Variants in IQSEC1 observed in about 807,000 individuals in gnomAD.
IQSEC1 encodes the protein IQ motif and SEC7 domain-containing protein 1.
A neutral mutation model predicts 91.0 loss-of-function variants in IQSEC1; 31 were observed. That is an observed-to-expected ratio of 0.34 (90% CI 0.26 to 0.46). The LOEUF is 0.46. IQSEC1 is among the 20% of genes least tolerant of loss of function. The probability of loss-of-function intolerance (pLI) is 1.00; values close to 1 mark genes in which losing one functional copy is unlikely to be tolerated. For missense variants in IQSEC1, 1,388 were observed against 1,575.6 expected, an observed-to-expected ratio of 0.88 and a Z score of 2.02; for synonymous variants, 699 against 662.6, an observed-to-expected ratio of 1.05 and a Z score of -0.84.
intron 12 of IQSEC1, among the ~76,000 whole-genome samples, chr3:12,904,245 C>T (rs1426651511): frequency 6.6e-6 from 1 of 152,236 alleles, no homozygotes. Flanking sequence ...AGTCCAGTTC[C>T]TCTGCCTTGT....
intron 1 of IQSEC1, among the ~76,000 whole-genome samples, chr3:13,232,565 C>T (rs567310964): frequency 6.6e-6 from 1 of 152,164 alleles, no homozygotes; most frequent in African/African-American, 2.4e-5. Context: ...CAGCCTGGCC[C>T]GGCTGCAGGT....
chr3:13,014,520 C>T (rs139417834), intron 1 of IQSEC1, among the ~76,000 whole-genome samples: 1 of 152,286 alleles, frequency 6.6e-6, no homozygotes, highest in Non-Finnish European at 1.5e-5. Context: ...TTCCTTATCA[C>T]TGGGCCTCAC....
chr3:12,913,299 G>T, intron 9 of IQSEC1, 129 bp downstream of exon 9: 1 of 968,072 alleles, frequency 1.0e-6, no homozygotes, highest in Non-Finnish European at 1.5e-6. Flanking sequence ...CAGTGTGAAA[G>T]ACACCAGGCA....
chr3:13,090,884 C>A (rs1705847642), intron 2 of IQSEC1, among the ~76,000 whole-genome samples: 2 of 152,154 alleles, frequency 1.3e-5, no homozygotes, highest in African/African-American at 4.8e-5. Flanking sequence ...AGAATGGAAC[C>A]CGGGTATCCA....
intron 2 of IQSEC1, among the ~76,000 whole-genome samples, chr3:13,105,019 A>G (rs1706128406): frequency 6.6e-6 from 1 of 152,230 alleles, no homozygotes; most frequent in Admixed American, 6.5e-5. Context: ...TCACATTTAA[A>G]AAGTCATTTT....
intron 1 of IQSEC1, among the ~76,000 whole-genome samples, chr3:13,054,433 C>G (rs927292938): frequency 6.6e-6 from 1 of 152,238 alleles, no homozygotes; most frequent in South Asian, 2.1e-4. Flanking sequence ...GTCCCCCACA[C>G]GCCAGGCCCT....
rs564324672 is a variant in IQSEC1 at position 13,211,965 on chromosome 3, G to A, written c.273-47832C>T. On this transcript the variant is annotated intron_variant, in intron 1 of 15. Coordinates refer to the IQSEC1 transcript ENST00000648114. The surrounding 1 kb of genome is among the most constrained non-coding windows in gnomAD (Gnocchi z 5.3). Reference sequence around the variant, plus strand: ...TTTGAGCCCCTGTGGGCTCTGGCGCGTGTCGGTGCCCAGCCTCTGTGAGAG... The same window carrying A: ...TTTGAGCCCCTGTGGGCTCTGGCGCATGTCGGTGCCCAGCCTCTGTGAGAG... Among the ~76,000 whole-genome samples the A allele has an allele frequency of 4.1e-4, 62 of 152,224 alleles. No individual in the cohort carries two copies. Among genetic ancestry groups the A allele is most frequent in the African/African-American group, 1.4e-3 (57 of 41,520 alleles).
chr3:13,111,988 C>T (rs1389000295), intron 2 of IQSEC1, among the ~76,000 whole-genome samples: 2 of 152,186 alleles, frequency 1.3e-5, no homozygotes, highest in Admixed American at 6.5e-5. Context: ...GACAGCCCTC[C>T]CATCTCCTCT....
Position 12,899,717 on chromosome 3 carries a change from A to C in IQSEC1, c.*1266T>G. 1 of 984,618 alleles carries C rather than the reference A, an allele frequency of 1.0e-6. No individual in the cohort carries two copies. Among genetic ancestry groups the C allele is most frequent in the Non-Finnish European group, 1.2e-6 (1 of 829,444 alleles). The allele number at this position is 984,618 out of a possible 1,614,324, so 61.0% of individuals were successfully genotyped here. On this transcript the variant is annotated 3_prime_UTR_variant, in exon 14 of 14. Coordinates refer to ENST00000613206, the MANE Select transcript of IQSEC1 (RefSeq NM_001134382.3). The stretch of plus-strand genomic sequence containing the variant: ...CTACCACTCAGAAAACAAAACGGGA[A>C]ACACACACACCGCCCTGGGTTGCTA...
intron 1 of IQSEC1, among the ~76,000 whole-genome samples, chr3:13,261,985 C>A (rs1046354535): frequency 6.6e-6 from 1 of 152,256 alleles, no homozygotes; most frequent in Non-Finnish European, 1.5e-5. Context: ...GGAAAATAGG[C>A]AGCTCCTGTA....
rs1430439098 is a variant in IQSEC1 at position 12,935,670 on chromosome 3, G to A, written c.1346C>T (p.Ser449Leu). The change falls in exon 3 of 14, where the codon TCG becomes TTG. Residue 449 changes from serine (S) to leucine (L), a missense_variant. Ser to Leu is a moderately radical substitution (Grantham distance 145). Coordinates refer to ENST00000613206, the MANE Select transcript of IQSEC1 (RefSeq NM_001134382.3). The surrounding 1 kb of genome is among the most constrained non-coding windows in gnomAD (Gnocchi z 8.0). ...GTCATTGTCACCGTCTGAGTAGTCC[G>A]ACTCAGACTTGCTCTGCCGGTTGGC... ...GSANRQSKSE[S>L]DYSDGDNDSI... 8.1e-6 allele frequency: 13 copies of A among 1,613,878 alleles called. No homozygotes were observed. The highest frequency in any genetic ancestry group is 1.7e-4 in the Middle Eastern group (1 of 6,058).
intron 1 of IQSEC1, among the ~76,000 whole-genome samples, chr3:13,245,617 A>AG (rs1695095369): frequency 6.6e-6 from 1 of 152,042 alleles, no homozygotes; most frequent in African/African-American, 2.4e-5. Flanking sequence ...AATACAAAAA[A>AG]ATTCCTGGGT....
intron 5 of IQSEC1, among the ~76,000 whole-genome samples, chr3:12,921,414 G>A (rs56217149): frequency 0.13 from 20,181 of 152,236 alleles, 1,428 homozygotes; most frequent in East Asian, 0.16. Flanking sequence ...GCTGACCTGT[G>A]CCGCCCACAC....
chr3:13,029,055 C>T (rs998536480), intron 1 of IQSEC1, among the ~76,000 whole-genome samples: 9 of 152,210 alleles, frequency 5.9e-5, no homozygotes, highest in African/African-American at 1.4e-4. Flanking sequence ...AAGGAGCTAA[C>T]GCTGTGTGAC....
intron 1 of IQSEC1, among the ~76,000 whole-genome samples, chr3:13,228,113 G>A (rs1306706844): frequency 6.6e-6 from 1 of 152,176 alleles, no homozygotes; most frequent in Non-Finnish European, 1.5e-5. Flanking sequence ...GGCTCCTGCT[G>A]GTAAATGCAC....
chr3:12,959,521 A>G (rs895461671), intron 1 of IQSEC1, among the ~76,000 whole-genome samples: 1 of 152,194 alleles, frequency 6.6e-6, no homozygotes, highest in Non-Finnish European at 1.5e-5. Flanking sequence ...AGTCACTTCC[A>G]GACACAGGGC....
intron 1 of IQSEC1, among the ~76,000 whole-genome samples, chr3:13,038,757 G>C (rs1381509148): frequency 6.6e-6 from 1 of 152,184 alleles, no homozygotes; most frequent in Admixed American, 6.5e-5. Context: ...CCCACTGCTG[G>C]TAAGGCTACA....
chr3:12,936,748 G>A (rs1016297635), intron 2 of IQSEC1, 51 bp from the exon 3 acceptor site: 11 of 1,457,670 alleles, frequency 7.5e-6, no homozygotes, highest in South Asian at 1.3e-5. Flanking sequence ...GGCACAGTGC[G>A]ACATTTACCA....
intron 1 of IQSEC1, among the ~76,000 whole-genome samples, chr3:13,197,578 G>C (rs1489174438): frequency 6.6e-6 from 1 of 152,168 alleles, no homozygotes; most frequent in Non-Finnish European, 1.5e-5. Context: ...CAAGCTGCCC[G>C]CCCTATTCAG....
Sources: allele counts gnomAD v4.1 joint callset (sites outside exome capture counted in the v4.1 genomes callset), GRCh38; gene constraint gnomAD v4.1.1; non-coding constraint Gnocchi (gnomAD v3.1); transcripts MANE v1.5; gene names NCBI Gene and HGNC (gene_info 2026-07-23, HGNC 2026-07-21).